The following UNC13B variants were observed in gnomAD, a reference collection of about 807,000 sequenced individuals.
UNC13B encodes the protein protein unc-13 homolog B.
A neutral mutation model predicts 211.0 loss-of-function variants in UNC13B; 144 were observed. The ratio of observed to expected loss-of-function variants is 0.68; its 90% CI spans 0.60 to 0.78. The LOEUF (loss-of-function observed/expected upper bound fraction) is 0.78, where lower values mean the gene tolerates loss of function less well. Among genes scored for constraint, UNC13B ranks in the 30% least tolerant of loss-of-function variants. The probability of loss-of-function intolerance (pLI) is 0.00; values close to 1 mark genes in which losing one functional copy is unlikely to be tolerated. For missense variants in UNC13B, 1,777 were observed against 2,002.0 expected (o/e 0.89, Z 2.14); for synonymous variants, 709 against 725.8 (o/e 0.98, Z 0.37).
intron 11 of UNC13B, among the ~76,000 whole-genome samples, chr9:35,350,597 T>C (rs1053655406): frequency 1.3e-5 from 2 of 152,214 alleles, no homozygotes; most frequent in Non-Finnish European, 2.9e-5. Flanking sequence ...TCATGATACC[T>C]GTCTCTTTGG....
Position 35,162,032 on chromosome 9 carries a change from A to G in UNC13B, c.-252A>G. Reference sequence around the variant, plus strand: ...GGAGTCCCGGCAGCTCCTACCTCCCAGCGATGGCGTCGCTGTGCCGCGCCC... The same window carrying G: ...GGAGTCCCGGCAGCTCCTACCTCCCGGCGATGGCGTCGCTGTGCCGCGCCC... On this transcript the variant is annotated 5_prime_UTR_variant, in exon 1 of 40. Coordinates refer to ENST00000635942, the MANE Select transcript of UNC13B (RefSeq NM_001371189.2). The G allele has an allele frequency of 1.8e-6, 1 of 549,116 alleles. No homozygotes were observed. The highest frequency in any genetic ancestry group is 3.2e-6 in the Non-Finnish European group (1 of 315,892). 34.0% of individuals were successfully genotyped at this position (549,116 alleles called of 1,614,324 possible).
At chr9:35,313,625 AAAATAAATAAATAAAT>A (rs149145175) in intron 10 of UNC13B, among the ~76,000 whole-genome samples, 13,534 of 133,982 alleles carry the variant, frequency 0.1, 1,065 homozygotes, top group East Asian at 0.3. Context: ...ACCCTGTCTC[AAAATAAATAAATAAAT>A]AAATAAATAA....
intron 6 of UNC13B, 34 bp downstream of exon 6, chr9:35,243,398 G>A (rs1284625754): frequency 1.2e-6 from 2 of 1,608,350 alleles, no homozygotes; most frequent in Admixed American, 1.7e-5. Context: ...ATAGAGAGAT[G>A]GGGGAAAATC....
intron 11 of UNC13B, among the ~76,000 whole-genome samples, chr9:35,363,372 A>G (rs1012784636): frequency 4.6e-5 from 7 of 151,772 alleles, no homozygotes; most frequent in East Asian, 1.9e-4. Flanking sequence ...TGTTTGCCTA[A>G]TTTTCTTACT....
Position 35,237,749 on chromosome 9 carries a change from A to G in UNC13B, c.317A>G (p.Lys106Arg). ...WSTLEAETLM[K>R]DDEICGTRNP... ...ACATTAGAGGCAGAGACGTTAATGA[A>G]AGACGATGAGATCTGTGGAACTAGA... is the stretch of plus-strand genomic sequence containing the variant. The change falls in exon 5 of 40, where the codon AAA becomes AGA. Residue 106 changes from lysine to arginine, a missense_variant. Coordinates refer to ENST00000635942, the MANE Select transcript of UNC13B (RefSeq NM_001371189.2). 2 of 1,614,008 alleles carry G rather than the reference A, an allele frequency of 1.2e-6. No individual in the cohort carries two copies. The highest frequency in any genetic ancestry group is 1.7e-6 in the Non-Finnish European group (2 of 1,179,956).
At chr9:35,318,394 C>T (rs531098092) in intron 11 of UNC13B, among the ~76,000 whole-genome samples, 1 of 152,240 alleles carries the variant, frequency 6.6e-6, no homozygotes, top group Middle Eastern at 3.4e-3. Context: ...TGCCCCGCTG[C>T]CGCCCCGCCA....
chr9:35,388,965 A>G (rs1395960557), intron 24 of UNC13B, among the ~76,000 whole-genome samples: 1 of 152,212 alleles, frequency 6.6e-6, no homozygotes, highest in Non-Finnish European at 1.5e-5. Flanking sequence ...GAAGAGATGT[A>G]TTTAAGTTAT....
Position 35,306,040 on chromosome 9 carries a change from T to C in UNC13B, c.6636T>C (p.Ser2212=), listed in dbSNP as rs550046086. 2.5e-6 allele frequency: 1 copy of C among 399,048 alleles called. No individual in the cohort carries two copies. The highest frequency in any genetic ancestry group is 1.3e-4 in the South Asian group (1 of 7,856). The allele number at this position is 399,048 out of a possible 1,614,324, so 24.7% of individuals were successfully genotyped here. A position where few individuals can be genotyped will look rare whatever the true frequency, so the allele number is the denominator to read the frequency against. The change falls in exon 9 of 40, where the codon TCT becomes TCC. Residue 2212 remains serine, a synonymous_variant. Transcript: ENST00000635942. ...AGAAGGATGCCTCTCATAGTAGTTC[T>C]ACTTTTAGTTTCTTCAGCTTGTCCT... ...SIKKDASHSS[S]TFSFFSLSFL...
intron 7 of UNC13B, among the ~76,000 whole-genome samples, chr9:35,281,935 A>G (rs1828518744): frequency 6.6e-6 from 1 of 152,178 alleles, no homozygotes; most frequent in African/African-American, 2.4e-5. Flanking sequence ...GGGAATAAGA[A>G]GAGTGGGGAA....
Position 35,397,732 on chromosome 9 carries a change from C to T in UNC13B, c.11754+20C>T, listed in dbSNP as rs375233649. On this transcript the variant is annotated intron_variant, in intron 30 of 39. Coordinates refer to ENST00000635942, the MANE Select transcript of UNC13B (RefSeq NM_001371189.2). ...AAACTGGTAGGTTCAGGCCCTGGGACTCTTACAGAAAGAGAGTGGAAGACA... is the reference window on the plus strand; with the variant it reads ...AAACTGGTAGGTTCAGGCCCTGGGATTCTTACAGAAAGAGAGTGGAAGACA... 123 of 1,612,926 alleles carry T rather than the reference C, an allele frequency of 7.6e-5. No individual in the cohort carries two copies. In the African/African-American group the frequency reaches 1.6e-3, roughly 21 times the overall value.
At chr9:35,163,670 A>G (rs550540004) in intron 1 of UNC13B, among the ~76,000 whole-genome samples, 1 of 152,348 alleles carries the variant, frequency 6.6e-6, no homozygotes, top group Non-Finnish European at 1.5e-5. Context: ...GCTGGTCCTT[A>G]TGAAAGACTC....
chr9:35,164,270 G>T (rs1820922845), intron 1 of UNC13B, among the ~76,000 whole-genome samples: 1 of 152,208 alleles, frequency 6.6e-6, no homozygotes, highest in African/African-American at 2.4e-5. Flanking sequence ...ATCTGCCTTG[G>T]CCTTCCAAAG....
At chr9:35,385,621 C>G (rs1291317376) in intron 22 of UNC13B, 103 bp from the exon 23 acceptor site, 2 of 1,453,168 alleles carry the variant, frequency 1.4e-6, no homozygotes, top group Non-Finnish European at 9.1e-7. Flanking sequence ...TAGAGAAAAA[C>G]CCAGTAGGTA....
intron 6 of UNC13B, among the ~76,000 whole-genome samples, chr9:35,243,955 T>G (rs1387427847): frequency 6.6e-6 from 1 of 152,128 alleles, no homozygotes; most frequent in Non-Finnish European, 1.5e-5. Context: ...CAGAGGATAT[T>G]TCAGCAGAAA....
intron 7 of UNC13B, among the ~76,000 whole-genome samples, chr9:35,293,523 G>C (rs951256577): frequency 4.6e-5 from 7 of 152,090 alleles, no homozygotes; most frequent in African/African-American, 1.4e-4. Flanking sequence ...CTCCTTTGTT[G>C]CCTCTGCCCC....
rs1834391142 is a variant in UNC13B, at chr9:35,376,142, G to A, written c.9730G>A (p.Glu3244Lys). Residue 3244 changes from glutamate to lysine, a missense_variant, in exon 15 of 40, where the codon GAA becomes AAA. Transcript: ENST00000635942. ...TACCCCAACCTACTGCTATGAGTGT[G>A]AAGGCCTGCTCTGGGGCATTGCCCG... The part of the protein sequence containing the change: ...ATTPTYCYEC[E>K]GLLWGIARQG... The A allele has an allele frequency of 1.2e-6, 2 of 1,614,248 alleles. No homozygotes were observed. Among genetic ancestry groups the A allele is most frequent in the Non-Finnish European group, 1.7e-6 (2 of 1,180,046 alleles).
chr9:35,402,525 C>T lies in UNC13B; in HGVS notation c.12485-642C>T, dbSNP rs745633528. 5.3e-4 allele frequency among the ~76,000 whole-genome samples: 80 copies of T among 151,940 alleles called. 1 individual carries two copies. The highest frequency in any genetic ancestry group is 3.2e-4 in the Non-Finnish European group (22 of 67,960). ...TCTCAATCTCCTGACCTCGTGATCCCCCCACCTCAGCCTCCCAAAGTCCTG... is the reference window on the plus strand; with the variant it reads ...TCTCAATCTCCTGACCTCGTGATCCTCCCACCTCAGCCTCCCAAAGTCCTG... On this transcript the variant is annotated intron_variant, in intron 37 of 39. Coordinates refer to ENST00000635942, the MANE Select transcript of UNC13B (RefSeq NM_001371189.2).
chr9:35,191,458 C>T (rs1022718490), intron 1 of UNC13B, among the ~76,000 whole-genome samples: 4 of 152,160 alleles, frequency 2.6e-5, no homozygotes, highest in African/African-American at 9.7e-5. Context: ...AAGGTGGTAA[C>T]AGCCCCTTCC....
Position 35,399,149 on chromosome 9 carries a change from C to T in UNC13B, c.12075-12C>T. The T allele has an allele frequency of 1.9e-6, 3 of 1,614,212 alleles. No individual in the cohort carries two copies. The highest frequency in any genetic ancestry group is 2.5e-6 in the Non-Finnish European group (3 of 1,180,038). The stretch of plus-strand genomic sequence containing the variant: ...CTCTCACCCTGGTCTCACCTGTTGC[C>T]TGGACTTGCAGCCTCACCCTCTTTG... On this transcript the variant is annotated splice_polypyrimidine_tract_variant and intron_variant, in intron 33 of 39. Transcript: ENST00000635942.
Sources: allele counts gnomAD v4.1 joint callset (sites outside exome capture counted in the v4.1 genomes callset), GRCh38; gene constraint gnomAD v4.1.1; transcripts MANE v1.5; gene names NCBI Gene and HGNC (gene_info 2026-07-23, HGNC 2026-07-21).